The following PCDHGA6 variants were observed in gnomAD, a reference collection of about 807,000 sequenced individuals.
PCDHGA6 encodes protocadherin gamma-A6.
PCDHGA6 carries 41 observed loss-of-function variants against 60.6 expected under a neutral mutation model. The observed-to-expected ratio is 0.68, with a 90% CI of 0.53 to 0.88. The LOEUF (loss-of-function observed/expected upper bound fraction) is 0.88. Ranked by LOEUF, PCDHGA6 falls within the 40% of genes least tolerant of loss-of-function variation. The probability of loss-of-function intolerance (pLI) is 0.00; values close to 1 mark genes in which losing one functional copy is unlikely to be tolerated. For synonymous variants in PCDHGA6, 594 were observed against 524.4 expected (o/e 1.13, Z -1.81); for missense variants, 1,312 against 1,203.0 (o/e 1.09, Z -1.34).
chr5:141,482,736 C>T (rs897817817), intron 1 of PCDHGA6, among the ~76,000 whole-genome samples: 6 of 152,056 alleles, frequency 3.9e-5, no homozygotes, highest in African/African-American at 1.2e-4. Context: ...GCAAGAAATT[C>T]CATGCAGAGG....
rs761729063 is a variant in PCDHGA6 at position 141,374,833 on chromosome 5, T to A, written c.750T>A (p.Ser250Arg). ...TTACTCAGCCTGTCTACCGTGTAAG[T>A]GTTCCTGAAAACCTGCCAGTAGGCA... ...PMFTQPVYRV[S>R]VPENLPVGTP... The change falls in exon 1 of 4, where the codon AGT becomes AGA. Residue 250 changes from serine to arginine, a missense_variant. Ser to Arg is a moderately radical substitution (Grantham distance 110). Transcript: ENST00000517434. The A allele has an allele frequency of 6.2e-7, 1 of 1,613,930 alleles. No homozygotes were observed. Among genetic ancestry groups the A allele is most frequent in the East Asian group, 2.2e-5 (1 of 44,890 alleles).
At chr5:141,399,519 G>T (rs1467117930) in intron 1 of PCDHGA6, 14 of 1,613,918 alleles carry the variant, frequency 8.7e-6, no homozygotes, top group Non-Finnish European at 1.2e-5. Context: ...ACCCTCCTGG[G>T]GCCTCCATCG....
At chr5:141,421,504 C>G (rs757410882) in intron 1 of PCDHGA6, 1 of 1,614,062 alleles carries the variant, frequency 6.2e-7, no homozygotes, top group South Asian at 1.1e-5. Flanking sequence ...CAGGATAGAC[C>G]GGGAGGAGCT....
chr5:141,398,374 G>C (rs769693333), intron 1 of PCDHGA6: 3 of 1,438,680 alleles, frequency 2.1e-6, no homozygotes, highest in African/African-American at 1.4e-5. Flanking sequence ...AGAGAGCGGG[G>C]AGTTGCTTGT....
chr5:141,398,528 C>T (rs1355149152), intron 1 of PCDHGA6: 2 of 1,613,386 alleles, frequency 1.2e-6, no homozygotes, highest in Non-Finnish European at 1.7e-6. Flanking sequence ...CCAAAATTCA[C>T]GCAAAATTCC....
chr5:141,423,241 G>A (rs1485226833), intron 1 of PCDHGA6: 19 of 1,613,954 alleles, frequency 1.2e-5, no homozygotes, highest in Non-Finnish European at 1.4e-5. Flanking sequence ...CATCCCCGAA[G>A]TCCTGGCGGA....
chr5:141,503,528 G>A (rs1411240550), intron 2 of PCDHGA6, among the ~76,000 whole-genome samples: 2 of 151,470 alleles, frequency 1.3e-5, no homozygotes, highest in Non-Finnish European at 2.9e-5. Flanking sequence ...GAACCTGGGA[G>A]GCAGAGGTTG....
At chr5:141,405,029 C>A (rs565871444) in intron 1 of PCDHGA6, 1 of 1,613,976 alleles carries the variant, frequency 6.2e-7, no homozygotes, top group South Asian at 1.1e-5. Context: ...TACCCTCTAC[C>A]TCGTTGTGGC....
Position 141,376,385 on chromosome 5 carries a change from C to T in PCDHGA6, c.2302C>T (p.Leu768=), listed in dbSNP as rs1200175997. ...SLTADSRKSH[L]IFPQPNYADT... Reference sequence around the variant, plus strand: ...CACTGCAGACTCGCGTAAGAGTCATCTGATTTTCCCCCAGCCCAACTATGC... The same window carrying T: ...CACTGCAGACTCGCGTAAGAGTCATTTGATTTTCCCCCAGCCCAACTATGC... The change falls in exon 1 of 4, where the codon CTG becomes TTG. Residue 768 remains leucine (L), a synonymous_variant. Transcript: ENST00000517434. The T allele has an allele frequency of 6.2e-7, 1 of 1,614,120 alleles. No homozygotes were observed. Among genetic ancestry groups the T allele is most frequent in the Non-Finnish European group, 8.5e-7 (1 of 1,180,058 alleles).
intron 3 of PCDHGA6, 125 bp downstream of exon 3, chr5:141,505,606 C>G: frequency 6.5e-7 from 1 of 1,528,642 alleles, no homozygotes; most frequent in Non-Finnish European, 8.8e-7. Flanking sequence ...TTCGGCAGGT[C>G]TGAAAGGACC....
chr5:141,487,297 C>A lies in PCDHGA6; in HGVS notation c.2425-7510C>A. ...TTTGCTTTGTCTCCTTTGGCTCATT[C>A]GTGGCACTACTCTCTAAGTGTCTTC... is the stretch of plus-strand genomic sequence containing the variant. On this transcript the variant is annotated intron_variant, in intron 1 of 3. Transcript: ENST00000517434. This position sits in a 1 kb window ranked among gnomAD's most constrained non-coding sequence, Gnocchi z 5.0. 1 of 1,614,102 alleles carries A rather than the reference C, an allele frequency of 6.2e-7. No homozygotes were observed. The highest frequency in any genetic ancestry group is 8.5e-7 in the Non-Finnish European group (1 of 1,180,002).
intron 1 of PCDHGA6, chr5:141,426,833 G>T: frequency 2.2e-6 from 1 of 456,680 alleles, no homozygotes; most frequent in Non-Finnish European, 4.4e-6. Flanking sequence ...TGATGGACAA[G>T]ACTAAAGGCA....
chr5:141,490,984 T>TCTG lies in PCDHGA6; in HGVS notation c.2425-3820_2425-3818dup. On this transcript the variant is annotated intron_variant, in intron 1 of 3. Transcript: ENST00000517434. The surrounding 1 kb of genome is among the most constrained non-coding windows in gnomAD (Gnocchi z 5.4). ...CTCAGCCCCCCAGCGTCTCCCTCGCTCTGCTCCTCCTGGCTCCTTGGTCAC... is the reference window on the plus strand; with the variant it reads ...CTCAGCCCCCCAGCGTCTCCCTCGCTCTGCTGCTCCTCCTGGCTCCTTGGTCAC... The TCTG allele has an allele frequency of 1.2e-6, 2 of 1,614,110 alleles. No homozygotes were observed. Among genetic ancestry groups the TCTG allele is most frequent in the Non-Finnish European group, 1.7e-6 (2 of 1,180,028 alleles).
At chr5:141,410,177 A>G in intron 1 of PCDHGA6, 1 of 1,613,626 alleles carries the variant, frequency 6.2e-7, no homozygotes, top group Non-Finnish European at 8.5e-7. Context: ...TGCCACCGCC[A>G]CGCTTCATCT....
At chr5:141,409,276 G>A (rs1458443407) in intron 1 of PCDHGA6, 5 of 1,613,882 alleles carry the variant, frequency 3.1e-6, no homozygotes, top group African/African-American at 2.7e-5. Context: ...AGATTTTGGA[G>A]AATTCACCTC....
intron 1 of PCDHGA6, chr5:141,384,204 A>T: frequency 4.3e-6 from 7 of 1,613,886 alleles, no homozygotes; most frequent in Non-Finnish European, 5.9e-6. Flanking sequence ...TGTCCAGGGA[A>T]ACTCACATAT....
Position 141,432,623 on chromosome 5 carries a change from C to T in PCDHGA6, c.2424+56116C>T, listed in dbSNP as rs1047752183. Reference sequence around the variant, plus strand: ...GCCGGGACTCTTCTCGGTGGGTCTGCACACGGGCGAGGTGCGCACGGCGCG... The same window carrying T: ...GCCGGGACTCTTCTCGGTGGGTCTGTACACGGGCGAGGTGCGCACGGCGCG... On this transcript the variant is annotated intron_variant, in intron 1 of 3. Coordinates refer to ENST00000517434, the MANE Select transcript of PCDHGA6 (RefSeq NM_018919.3). The surrounding 1 kb of genome is among the most constrained non-coding windows in gnomAD (Gnocchi z 6.0). The T allele has an allele frequency of 1.2e-6, 2 of 1,613,196 alleles. No homozygotes were observed. The highest frequency in any genetic ancestry group is 2.2e-5 in the East Asian group (1 of 44,792).
chr5:141,510,280 A>G (rs1218058358), intron 3 of PCDHGA6, among the ~76,000 whole-genome samples: 1 of 151,892 alleles, frequency 6.6e-6, no homozygotes, highest in Non-Finnish European at 1.5e-5. Context: ...CTTAAAAAAA[A>G]AAAAAAAAAA....
chr5:141,433,076 C>T, intron 1 of PCDHGA6: 1 of 1,614,188 alleles, frequency 6.2e-7, no homozygotes, highest in Non-Finnish European at 8.5e-7. Context: ...CTTCCCCCAG[C>T]CCAACTATGC....
Sources: gnomAD v4.1 joint callset for allele counts (sites outside exome capture counted in the v4.1 genomes callset) on GRCh38, gnomAD v4.1.1 for gene constraint, Gnocchi (gnomAD v3.1) non-coding constraint, MANE v1.5 for transcripts, NCBI Gene and HGNC (gene_info 2026-07-23, HGNC 2026-07-21) for gene names.